ACCS: variants seen among roughly 807,000 people sequenced by gnomAD.
ACCS encodes 1-aminocyclopropane-1-carboxylate synthase homolog (inactive).
In ACCS, 42 loss-of-function variants were observed where a neutral mutation model predicts 59.8. The observed-to-expected ratio is 0.70, with a 90% CI of 0.55 to 0.91. ACCS has a LOEUF of 0.91. Among genes scored for constraint, ACCS ranks in the 40% least tolerant of loss-of-function variants. The probability of loss-of-function intolerance (pLI) is 0.00; values close to 1 mark genes in which losing one functional copy is unlikely to be tolerated. For synonymous variants in ACCS, 230 were observed against 240.3 expected, an observed-to-expected ratio of 0.96 and a Z score of 0.40; for missense variants, 602 against 630.4, an observed-to-expected ratio of 0.95 and a Z score of 0.48.
chr11:44,077,534 C>A, intron 7 of ACCS, 158 bp downstream of exon 7: 1 of 1,453,580 alleles, frequency 6.9e-7, no homozygotes. Flanking sequence ...CCTGGGTTCC[C>A]CAGTGGCTCC....
At chr11:44,070,081 G>A (rs1223733590) in intron 2 of ACCS, among the ~76,000 whole-genome samples, 1 of 152,172 alleles carries the variant, frequency 6.6e-6, no homozygotes, top group Non-Finnish European at 1.5e-5. Flanking sequence ...AAACAAGATG[G>A]GCAGGCGATG....
At position 44,078,482 on chromosome 11, in the gene ACCS, A is replaced by AT. The variant is rs1303171531; in HGVS notation, c.733-196dup. Reference sequence around the variant, plus strand: ...AGGTAACCTACTGGTATTTGGGTATATTTTTTCTCTGGGCCTTGTCCTCCG... The same window carrying AT: ...AGGTAACCTACTGGTATTTGGGTATATTTTTTTCTCTGGGCCTTGTCCTCCG... On this transcript the variant is annotated intron_variant, in intron 8 of 14. Coordinates refer to ENST00000263776, the MANE Select transcript of ACCS (RefSeq NM_032592.4). 9 of 496,362 alleles carry AT rather than the reference A, an allele frequency of 1.8e-5. No homozygotes were observed. In the South Asian group the frequency reaches 2.2e-4, roughly 12 times the overall value. The allele number at this position is 496,362 out of a possible 1,614,324, so 30.7% of individuals were successfully genotyped here. A position where few individuals can be genotyped will look rare whatever the true frequency, so the allele number is the denominator to read the frequency against.
intron 2 of ACCS, among the ~76,000 whole-genome samples, chr11:44,069,922 G>A (rs1024607853): frequency 3.9e-5 from 6 of 152,224 alleles, no homozygotes; most frequent in Non-Finnish European, 2.9e-5. Flanking sequence ...GGCCTTACAG[G>A]CTGCGCATCA....
At chr11:44,067,233 C>G (rs1952832413) in intron 1 of ACCS, 1 of 182,028 alleles carries the variant, frequency 5.5e-6, no homozygotes, top group Non-Finnish European at 1.2e-5. Context: ...ACAAGACCCC[C>G]AGGACTCCCA....
At position 44,072,344 on chromosome 11, in the gene ACCS, G is replaced by C. The variant is rs575371830; in HGVS notation, c.348+1029G>C. ...GGCTAATTTTTGTATTTTTAGTAGA[G>C]ACAGGGTTTCACCATTTTGGCCAGG... is the stretch of plus-strand genomic sequence containing the variant. On this transcript the variant is annotated intron_variant, in intron 3 of 14. Coordinates refer to ENST00000263776, the MANE Select transcript of ACCS (RefSeq NM_032592.4). 4.9e-4 allele frequency: 74 copies of C among 152,104 alleles called. 1 individual carries two copies. Among genetic ancestry groups the C allele is most frequent in the African/African-American group, 1.7e-3 (71 of 41,488 alleles). The allele number at this position is 152,104 out of a possible 1,614,324, so 9.4% of individuals were successfully genotyped here.
chr11:44,080,023 G>T (rs1040341365), intron 10 of ACCS, among the ~76,000 whole-genome samples: 2 of 152,120 alleles, frequency 1.3e-5, no homozygotes, highest in African/African-American at 4.8e-5. Flanking sequence ...ATATTTAAAT[G>T]TTGGGCTTTT....
At chr11:44,077,146 G>A (rs553042839) in intron 6 of ACCS, 133 bp from the exon 7 acceptor site, 1 of 985,412 alleles carries the variant, frequency 1.0e-6, no homozygotes, top group South Asian at 1.8e-5. Context: ...TGTTTTGGGA[G>A]TTAAGAGTGC....
In ACCS at chr11:44,083,871, G is replaced by A; in HGVS notation, c.*79G>A. On this transcript the variant is annotated 3_prime_UTR_variant, in exon 15 of 15. Coordinates refer to ENST00000263776, the MANE Select transcript of ACCS (RefSeq NM_032592.4). ...GTTCTGGGGCTGCAGAAGACTGACTGTGGATGTGCCATTTGCCAGGAAGGT... is the reference window on the plus strand; with the variant it reads ...GTTCTGGGGCTGCAGAAGACTGACTATGGATGTGCCATTTGCCAGGAAGGT... The A allele has an allele frequency of 6.5e-7, 1 of 1,538,564 alleles. No homozygotes were observed. The highest frequency in any genetic ancestry group is 8.8e-7 in the Non-Finnish European group (1 of 1,140,678).
chr11:44,076,656 AATAG>A (rs1229697495), intron 6 of ACCS, among the ~76,000 whole-genome samples: 15 of 152,264 alleles, frequency 9.9e-5, no homozygotes, highest in African/African-American at 3.6e-4. Context: ...AATGAGATAA[AATAG>A]AAACAAATGT....
At chr11:44,081,453 G>A (rs1459835274) in intron 12 of ACCS, 133 bp downstream of exon 12, 20 of 1,395,842 alleles carry the variant, frequency 1.4e-5, no homozygotes, top group Non-Finnish European at 1.8e-5. Context: ...TCTGAGCCCC[G>A]ACTGGGTCCA....
Position 44,078,577 on chromosome 11 carries a change from C to T in ACCS, c.733-107C>T, listed in dbSNP as rs571522906. 3.4e-5 allele frequency: 27 copies of T among 797,408 alleles called. No individual in the cohort carries two copies. In the African/African-American group the frequency reaches 4.1e-4, roughly 12 times the overall value. 49.4% of individuals were successfully genotyped at this position (797,408 alleles called of 1,614,324 possible). On this transcript the variant is annotated intron_variant, in intron 8 of 14. Transcript: ENST00000263776. ...GCTTCATGTTGTGTTATGAACATGTCCCCCTCAAATCTCCCTGGGAGCCTT... is the reference window on the plus strand; with the variant it reads ...GCTTCATGTTGTGTTATGAACATGTTCCCCTCAAATCTCCCTGGGAGCCTT...
At chr11:44,083,147 C>T (rs1245839606) in intron 12 of ACCS, 22 bp from the exon 13 acceptor site, 2 of 1,521,004 alleles carry the variant, frequency 1.3e-6, no homozygotes, top group East Asian at 2.5e-5. Context: ...TATTGATCTT[C>T]TGGCCTCTTT....
intron 10 of ACCS, 126 bp downstream of exon 10, chr11:44,079,746 A>AG: frequency 4.0e-6 from 3 of 752,592 alleles, no homozygotes; most frequent in Non-Finnish European, 4.4e-6. Flanking sequence ...AGCTGGTCCC[A>AG]CTGGTCCTCA....
intron 2 of ACCS, among the ~76,000 whole-genome samples, chr11:44,069,886 A>G (rs993023552): frequency 2.6e-5 from 4 of 152,224 alleles, no homozygotes; most frequent in East Asian, 1.9e-4. Flanking sequence ...GGCCCAGCCC[A>G]TACTCAAGGG....
chr11:44,075,441 C>A, intron 5 of ACCS, 85 bp from the exon 6 acceptor site: 1 of 1,444,244 alleles, frequency 6.9e-7, no homozygotes, highest in Non-Finnish European at 9.7e-7. Context: ...GCCTGGCGCT[C>A]ACTCTGTGCT....
intron 7 of ACCS, 60 bp downstream of exon 7, chr11:44,077,436 G>A: frequency 1.2e-6 from 2 of 1,606,350 alleles, no homozygotes; most frequent in Non-Finnish European, 1.7e-6. Flanking sequence ...AGTTTCCTGG[G>A]TCTGAATTTG....
intron 7 of ACCS, 164 bp from the exon 8 acceptor site, chr11:44,077,681 T>G: frequency 6.9e-7 from 1 of 1,448,978 alleles, no homozygotes; most frequent in East Asian, 2.5e-5. Flanking sequence ...AAGTGATGGG[T>G]TGGGGGTGGA....
chr11:44,083,847 T>A lies in ACCS; in HGVS notation c.*55T>A, dbSNP rs546146853. 8.2e-5 allele frequency: 128 copies of A among 1,554,038 alleles called. No individual in the cohort carries two copies. Among genetic ancestry groups the A allele is most frequent in the Middle Eastern group, 1.9e-4 (1 of 5,276 alleles). On this transcript the variant is annotated 3_prime_UTR_variant, in exon 15 of 15. Coordinates refer to ENST00000263776, the MANE Select transcript of ACCS (RefSeq NM_032592.4). ...CAGCAGCCACTGTGGACCTGGGGCG[T>A]TCTGGGGCTGCAGAAGACTGACTGT...
chr11:44,070,471 A>AG (rs1345709902), intron 2 of ACCS, among the ~76,000 whole-genome samples: 2 of 152,154 alleles, frequency 1.3e-5, no homozygotes, highest in East Asian at 3.9e-4. Flanking sequence ...CAGGTCGTGA[A>AG]GGAGCACTGC....
Sources: gnomAD v4.1 joint callset for allele counts (sites outside exome capture counted in the v4.1 genomes callset) on GRCh38, gnomAD v4.1.1 for gene constraint, MANE v1.5 for transcripts, NCBI Gene and HGNC (gene_info 2026-07-23, HGNC 2026-07-21) for gene names.